The following TTL variants were observed in gnomAD, a reference collection of about 807,000 sequenced individuals.
The protein encoded by TTL is tubulin tyrosine ligase, also known as tubulin--tyrosine ligase.
A neutral mutation model predicts 41.1 loss-of-function variants in TTL; 10 were observed. The ratio of observed to expected loss-of-function variants is 0.24; its 90% CI spans 0.15 to 0.41. The LOEUF is 0.41. Ranked by LOEUF, TTL falls within the 10% of genes least tolerant of loss-of-function variation. TTL has a pLI of 1.00. For synonymous variants in TTL, 175 were observed against 175.5 expected, an observed-to-expected ratio of 1.00 and a Z score of 0.02; for missense variants, 367 against 460.4, an observed-to-expected ratio of 0.80 and a Z score of 1.86.
chr2:112,509,115 G>A (rs968886910), intron 5 of TTL, among the ~76,000 whole-genome samples: 8 of 131,124 alleles, frequency 6.1e-5, no homozygotes, highest in African/African-American at 1.2e-4. Context: ...GTGCCTCCCA[G>A]TTAGGCTGCT....
intron 5 of TTL, among the ~76,000 whole-genome samples, chr2:112,512,350 C>T (rs1410269259): frequency 6.6e-6 from 1 of 151,968 alleles, no homozygotes; most frequent in Non-Finnish European, 1.5e-5. Context: ...GCAAGCTCCG[C>T]CTTGCAGGTT....
intron 5 of TTL, among the ~76,000 whole-genome samples, chr2:112,515,862 G>A (rs1036166107): frequency 2.6e-5 from 4 of 151,984 alleles, no homozygotes; most frequent in African/African-American, 9.7e-5. Context: ...AAGGAGATTC[G>A]CTTGAACCCC....
intron 3 of TTL, among the ~76,000 whole-genome samples, chr2:112,500,042 A>G (rs1012256406): frequency 6.6e-6 from 1 of 152,262 alleles, no homozygotes; most frequent in Non-Finnish European, 1.5e-5. Context: ...AGGAGTGAAC[A>G]TGATACTAAT....
At chr2:112,526,114 C>T (rs1300648972) in intron 6 of TTL, among the ~76,000 whole-genome samples, 25 of 152,186 alleles carry the variant, frequency 1.6e-4, no homozygotes, top group African/African-American at 5.3e-4. Flanking sequence ...GTTGAACCAG[C>T]CTTGCATCCC....
rs1682523412 is a variant in TTL at position 112,532,202 on chromosome 2, G to T, written c.*3407G>T. On this transcript the variant is annotated 3_prime_UTR_variant, in exon 7 of 7. Coordinates refer to ENST00000233336, the MANE Select transcript of TTL (RefSeq NM_153712.5). ...GGGGAGGTCCAGCCCTCTTGCAAGTGTGGTGAGAGGCTCTACTAGCAAAGA... is the reference window on the plus strand; with the variant it reads ...GGGGAGGTCCAGCCCTCTTGCAAGTTTGGTGAGAGGCTCTACTAGCAAAGA... 4.4e-6 allele frequency: 1 copy of T among 227,218 alleles called. No individual in the cohort carries two copies. Among genetic ancestry groups the T allele is most frequent in the Non-Finnish European group, 8.7e-6 (1 of 114,310 alleles). 14.1% of individuals were successfully genotyped at this position (227,218 alleles called of 1,614,324 possible).
At chr2:112,527,646 T>G (rs988560499) in intron 6 of TTL, among the ~76,000 whole-genome samples, 3 of 152,236 alleles carry the variant, frequency 2.0e-5, no homozygotes, top group Non-Finnish European at 4.4e-5. Flanking sequence ...CCTGCTTTTT[T>G]TGTTTTCCAT....
chr2:112,503,301 T>C, intron 5 of TTL, 120 bp downstream of exon 5: 1 of 811,876 alleles, frequency 1.2e-6, no homozygotes, highest in Non-Finnish European at 1.9e-6. Context: ...TTTTTTGTAA[T>C]ATTCCTTTAT....
At chr2:112,497,881 A>G (rs1681578593) in intron 3 of TTL, among the ~76,000 whole-genome samples, 5 of 152,232 alleles carry the variant, frequency 3.3e-5, no homozygotes, top group Admixed American at 3.3e-4. Flanking sequence ...AACTGTCACT[A>G]CACTTTTATT....
intron 5 of TTL, 134 bp downstream of exon 5, chr2:112,503,315 C>A: frequency 2.9e-6 from 2 of 693,558 alleles, no homozygotes; most frequent in Non-Finnish European, 4.6e-6. Flanking sequence ...CCTTTATTTT[C>A]CTTTTAATGT....
At chr2:112,485,557 A>T (rs1414342386) in intron 1 of TTL, among the ~76,000 whole-genome samples, 1 of 152,246 alleles carries the variant, frequency 6.6e-6, no homozygotes, top group Non-Finnish European at 1.5e-5. Context: ...CTTATTGTAC[A>T]GAGTGACAAG....
chr2:112,520,583 G>A, intron 6 of TTL, 158 bp downstream of exon 6: 1 of 976,714 alleles, frequency 1.0e-6, no homozygotes, highest in Non-Finnish European at 1.5e-6. Flanking sequence ...GGGCTTTGCT[G>A]AGTCACTTCC....
chr2:112,493,620 A>G (rs558626700), intron 2 of TTL, among the ~76,000 whole-genome samples: 2 of 152,332 alleles, frequency 1.3e-5, no homozygotes, highest in East Asian at 1.9e-4. Context: ...CTGGTGTCCT[A>G]TGTTCCGTTA....
rs561388375 is a variant in TTL at position 112,532,373 on chromosome 2, C to T, written c.*3578C>T. ...GGCGATTGTATGAATATTTAAAATG[C>T]CTGGAACACTAAAGTAAAGTAATGA... On this transcript the variant is annotated 3_prime_UTR_variant, in exon 7 of 7. Transcript: ENST00000233336. The T allele has an allele frequency of 3.1e-5, 7 of 226,166 alleles. No homozygotes were observed. The highest frequency in any genetic ancestry group is 6.2e-5 in the Non-Finnish European group (7 of 113,650). The allele number at this position is 226,166 out of a possible 1,614,324, so 14.0% of individuals were successfully genotyped here. A position where few individuals can be genotyped will look rare whatever the true frequency, so the allele number is the denominator to read the frequency against.
Position 112,539,927 on chromosome 2 carries a change from A to G in TTL, c.*11132A>G, listed in dbSNP as rs924806193. Reference sequence around the variant, plus strand: ...CAATTCCATTTATATCAACACCAAAAAGAATGAAATACTTAGGAATAAATT... The same window carrying G: ...CAATTCCATTTATATCAACACCAAAGAGAATGAAATACTTAGGAATAAATT... On this transcript the variant is annotated 3_prime_UTR_variant, in exon 7 of 7. Coordinates refer to ENST00000233336, the MANE Select transcript of TTL (RefSeq NM_153712.5). 2 of 152,268 alleles carry G rather than the reference A, an allele frequency of 1.3e-5. No individual in the cohort carries two copies. Among genetic ancestry groups the G allele is most frequent in the Non-Finnish European group, 1.5e-5 (1 of 68,042 alleles). 9.4% of individuals were successfully genotyped at this position (152,268 alleles called of 1,614,324 possible).
chr2:112,525,438 C>T (rs1361758925), intron 6 of TTL, among the ~76,000 whole-genome samples: 1 of 152,154 alleles, frequency 6.6e-6, no homozygotes, highest in Non-Finnish European at 1.5e-5. Flanking sequence ...GAATGGTCTT[C>T]CATTTGTTTG....
chr2:112,527,733 T>G (rs1406120885), intron 6 of TTL, among the ~76,000 whole-genome samples: 1 of 152,212 alleles, frequency 6.6e-6, no homozygotes, highest in Non-Finnish European at 1.5e-5. Flanking sequence ...GTCTCCTGAA[T>G]AGAGCACACT....
chr2:112,539,303 C>T lies in TTL; in HGVS notation c.*10508C>T, dbSNP rs1258838278. On this transcript the variant is annotated 3_prime_UTR_variant, in exon 7 of 7. Transcript: ENST00000233336. ...CCTTTGTAACAAATTCGCACATGTA[C>T]CCCCCTGATTCTAAAATAAACGTTG... The T allele has an allele frequency of 6.6e-6, 1 of 151,862 alleles. No individual in the cohort carries two copies. The highest frequency in any genetic ancestry group is 6.6e-5 in the Admixed American group (1 of 15,232). 9.4% of individuals were successfully genotyped at this position (151,862 alleles called of 1,614,324 possible).
chr2:112,533,939 A>C lies in TTL; in HGVS notation c.*5144A>C, dbSNP rs1682555177. On this transcript the variant is annotated 3_prime_UTR_variant, in exon 7 of 7. Coordinates refer to ENST00000233336, the MANE Select transcript of TTL (RefSeq NM_153712.5). The stretch of plus-strand genomic sequence containing the variant: ...CTTTCAAAAATTATGAGAGGACATC[A>C]GTGGGCATAATAGAGTAACAACCTC... 1 of 152,220 alleles carries C rather than the reference A, an allele frequency of 6.6e-6. No homozygotes were observed. Among genetic ancestry groups the C allele is most frequent in the African/African-American group, 2.4e-5 (1 of 41,452 alleles). 9.4% of individuals were successfully genotyped at this position (152,220 alleles called of 1,614,324 possible).
rs781167097 is a variant in TTL, at chr2:112,502,947, A to G, written c.641A>G (p.Tyr214Cys). ...WVLVDHQYNI[Y>C]LYREGVLRTA... Reference sequence around the variant, plus strand: ...TTGGTGGATCATCAGTATAATATCTACCTCTATAGAGAGGGTGTGCTTCGG... The same window carrying G: ...TTGGTGGATCATCAGTATAATATCTGCCTCTATAGAGAGGGTGTGCTTCGG... The change falls in exon 5 of 7, where the codon TAC becomes TGC. Residue 214 changes from tyrosine (Y) to cysteine (C), a missense_variant. Physicochemically the swap from Tyr to Cys is radical, Grantham distance 194 (BLOSUM62 -2). Transcript: ENST00000233336. 7.4e-6 allele frequency: 12 copies of G among 1,613,826 alleles called. No individual in the cohort carries two copies. The South Asian group carries it at 1.1e-4, about 15-fold the overall frequency.
Sources: allele counts gnomAD v4.1 joint callset (sites outside exome capture counted in the v4.1 genomes callset), GRCh38; gene constraint gnomAD v4.1.1; transcripts MANE v1.5; gene names NCBI Gene and HGNC (gene_info 2026-07-23, HGNC 2026-07-21).